Variants in COL24A1 observed in about 807,000 individuals in gnomAD.
The protein encoded by COL24A1 is collagen alpha-1(XXIV) chain.
COL24A1 carries 224 observed loss-of-function variants against 253.9 expected under a neutral mutation model. That is an observed-to-expected ratio of 0.88 (90% confidence interval 0.79 to 0.99). The LOEUF is 0.99. COL24A1 is among the 50% of genes least tolerant of loss of function. The pLI, the probability that COL24A1 is intolerant of heterozygous loss-of-function variation, is 0.00. For missense variants in COL24A1, 2,131 were observed against 2,068.5 expected, an observed-to-expected ratio of 1.03 and a Z score of -0.59; for synonymous variants, 685 against 673.7, an observed-to-expected ratio of 1.02 and a Z score of -0.26.
At chr1:85,773,081 T>G (rs1668149034) in intron 53 of COL24A1, among the ~76,000 whole-genome samples, 1 of 152,232 alleles carries the variant, frequency 6.6e-6, no homozygotes, top group African/African-American at 2.4e-5. Flanking sequence ...TTCAGTTTTC[T>G]GCATATGGCA....
chr1:85,911,307 T>G, intron 25 of COL24A1, 73 bp downstream of exon 25: 2 of 1,129,596 alleles, frequency 1.8e-6, no homozygotes, highest in Non-Finnish European at 2.7e-6. Flanking sequence ...ACATAAAAGA[T>G]CATATGAAAG....
intron 53 of COL24A1, among the ~76,000 whole-genome samples, chr1:85,771,780 T>TTATG (rs1369203652): frequency 1.1e-4 from 12 of 110,926 alleles, no homozygotes; most frequent in Non-Finnish European, 2.1e-5. Context: ...CCTGACTTTT[T>TTATG]TATTTATTTA....
intron 32 of COL24A1, among the ~76,000 whole-genome samples, chr1:85,886,817 T>A (rs950663180): frequency 2.6e-5 from 4 of 152,336 alleles, no homozygotes; most frequent in African/African-American, 9.6e-5. Flanking sequence ...ATTCTTTATA[T>A]ACATGGTTAA....
intron 39 of COL24A1, among the ~76,000 whole-genome samples, chr1:85,843,620 T>C (rs1306411883): frequency 3.3e-5 from 5 of 152,146 alleles, no homozygotes; most frequent in Non-Finnish European, 7.4e-5. Context: ...AAAAAATCAT[T>C]GCAGATGTGC....
rs185119824 is a variant in COL24A1, at chr1:86,017,442, G to A, written c.2257-238C>T. Among the ~76,000 whole-genome samples, 218 of 152,242 alleles carry A rather than the reference G, an allele frequency of 1.4e-3. 1 individual carries two copies. Among genetic ancestry groups the A allele is most frequent in the African/African-American group, 5.1e-3 (213 of 41,542 alleles). On this transcript the variant is annotated intron_variant, in intron 18 of 59. Coordinates refer to ENST00000370571, the MANE Select transcript of COL24A1 (RefSeq NM_152890.7). Reference sequence around the variant, plus strand: ...TTAAGTGATACAAACAAATTAATGAGTCAAGTGCTCAAATCAAGAAAAGAA... The same window carrying A: ...TTAAGTGATACAAACAAATTAATGAATCAAGTGCTCAAATCAAGAAAAGAA...
chr1:85,771,271 G>T (rs1570540575), intron 53 of COL24A1, among the ~76,000 whole-genome samples: 1 of 151,948 alleles, frequency 6.6e-6, no homozygotes, highest in East Asian at 1.9e-4. Flanking sequence ...CCCCCGACAG[G>T]CCCCGGTGTG....
intron 35 of COL24A1, among the ~76,000 whole-genome samples, chr1:85,871,009 A>G (rs1388134285): frequency 6.6e-6 from 1 of 152,164 alleles, no homozygotes; most frequent in African/African-American, 2.4e-5. Context: ...AAAATGATAA[A>G]GGGGTTATCA....
chr1:85,762,851 T>C (rs1666976595), intron 53 of COL24A1, among the ~76,000 whole-genome samples: 1 of 152,200 alleles, frequency 6.6e-6, no homozygotes, highest in Admixed American at 6.5e-5. Flanking sequence ...GAGGAATTTA[T>C]CATAGAAAAA....
At chr1:85,889,028 G>T (rs935067112) in intron 32 of COL24A1, among the ~76,000 whole-genome samples, 1 of 152,008 alleles carries the variant, frequency 6.6e-6, no homozygotes, top group African/African-American at 2.4e-5. Context: ...TTTTCACAAC[G>T]TACCGTCCAT....
intron 43 of COL24A1, among the ~76,000 whole-genome samples, chr1:85,833,512 T>C (rs576031447): frequency 1.3e-5 from 2 of 152,324 alleles, no homozygotes; most frequent in African/African-American, 4.8e-5. Context: ...TTTTACACTG[T>C]TGGTGGGACT....
At chr1:85,771,749 C>T (rs922002366) in intron 53 of COL24A1, among the ~76,000 whole-genome samples, 1 of 150,332 alleles carries the variant, frequency 6.7e-6, no homozygotes, top group East Asian at 2.0e-4. Flanking sequence ...TTCTCCACAA[C>T]CTCTCCAGCA....
intron 24 of COL24A1, among the ~76,000 whole-genome samples, chr1:85,921,674 C>A (rs1281292992): frequency 6.6e-6 from 1 of 152,196 alleles, no homozygotes; most frequent in Non-Finnish European, 1.5e-5. Flanking sequence ...AGGTCACCAT[C>A]ATCAAAGACC....
chr1:86,022,266 C>G lies in COL24A1; in HGVS notation c.2230G>C (p.Gly744Arg), dbSNP rs1443792799. The change falls in exon 18 of 60, where the codon GGG (glycine) becomes CGG (arginine). Residue 744 changes from glycine (G) to arginine (R), a missense_variant. Coordinates refer to ENST00000370571, the MANE Select transcript of COL24A1 (RefSeq NM_152890.7). ...KGAVGLPGPP[G>R]MRGKSGPSGQ... Reference sequence around the variant, plus strand: ...GAAGGCCCTGACTTTCCTCTCATCCCTGGTGGTCCTGGTAAACCAACAGCA... The same window carrying G: ...GAAGGCCCTGACTTTCCTCTCATCCGTGGTGGTCCTGGTAAACCAACAGCA... 6.2e-7 allele frequency: 1 copy of G among 1,612,670 alleles called. No homozygotes were observed. Among genetic ancestry groups the G allele is most frequent in the Non-Finnish European group, 8.5e-7 (1 of 1,179,110 alleles).
At chr1:86,116,724 A>G (rs1173695361) in intron 3 of COL24A1, among the ~76,000 whole-genome samples, 1 of 152,160 alleles carries the variant, frequency 6.6e-6, no homozygotes, top group Non-Finnish European at 1.5e-5. Context: ...GTTTTCTGAT[A>G]TTCATTAGAT....
rs1200361262 is a variant in COL24A1, at chr1:85,730,468, C to T, written c.*78G>A. 6.9e-6 allele frequency: 10 copies of T among 1,443,152 alleles called. No homozygotes were observed. The highest frequency in any genetic ancestry group is 8.6e-6 in the Non-Finnish European group (9 of 1,042,166). 89.4% of individuals were successfully genotyped at this position (1,443,152 alleles called of 1,614,324 possible). On this transcript the variant is annotated 3_prime_UTR_variant, in exon 60 of 60. Transcript: ENST00000370571. The stretch of plus-strand genomic sequence containing the variant: ...CTTTATTACATGCATTTCATAATGA[C>T]TGTATCTGTCTGTCTTATTTCTCCC...
In COL24A1 at chr1:86,022,556, G is replaced by A. The variant is rs201569788; in HGVS notation, c.2184C>T (p.Pro728=). The change falls in exon 17 of 60, where the codon CCC becomes CCT. Residue 728 remains proline, a synonymous_variant. Transcript: ENST00000370571. ...ACATTACCTTGTCTCCAGGATACCC[G>A]GGTTCTCCTAGCTCTCCTGCTGTGC... The part of the protein sequence containing the change: ...EQGTAGELGE[P]GYPGDKGAVG... The A allele has an allele frequency of 4.3e-4, 701 of 1,612,274 alleles. No homozygotes were observed. Among genetic ancestry groups the A allele is most frequent in the Non-Finnish European group, 5.7e-4 (669 of 1,179,264 alleles).
chr1:85,813,339 A>G (rs1463529564), intron 47 of COL24A1, among the ~76,000 whole-genome samples: 3 of 151,844 alleles, frequency 2.0e-5, no homozygotes, highest in African/African-American at 4.8e-5. Context: ...CTGAAGGATG[A>G]CAATATGCCA....
At chr1:86,050,275 C>T (rs17415366) in intron 10 of COL24A1, 98 bp from the exon 11 acceptor site, 131,826 of 950,746 alleles carry the variant, frequency 0.14, 9,806 homozygotes, top group Middle Eastern at 0.22. Flanking sequence ...TGTAGTAGTA[C>T]GAAATTACAA....
In COL24A1 at chr1:85,784,132, T is replaced by G; in HGVS notation, c.4202A>C (p.Gln1401Pro). 1 of 1,613,630 alleles carries G rather than the reference T, an allele frequency of 6.2e-7. No homozygotes were observed. The highest frequency in any genetic ancestry group is 8.5e-7 in the Non-Finnish European group (1 of 1,179,672). The part of the protein sequence containing the change: ...EYGVQGLTGF[Q>P]GFPGPKGPEG... ...ACATACTTTAGGGCCTGGGAATCCT[T>G]GGAAACCTGTCAAACCTTGAACACC... is the stretch of plus-strand genomic sequence containing the variant. Residue 1401 changes from glutamine to proline, a missense_variant, in exon 50 of 60, where the codon CAA (glutamine) becomes CCA (proline). Coordinates refer to ENST00000370571, the MANE Select transcript of COL24A1 (RefSeq NM_152890.7).
Sources: gnomAD v4.1 joint callset for allele counts (sites outside exome capture counted in the v4.1 genomes callset) on GRCh38, gnomAD v4.1.1 for gene constraint, MANE v1.5 for transcripts, NCBI Gene and HGNC (gene_info 2026-07-23, HGNC 2026-07-21) for gene names.